DCUN1D4: variants seen among roughly 807,000 people sequenced by gnomAD.
DCUN1D4 encodes the protein DCN1-like protein 4.
In DCUN1D4, 22 loss-of-function variants were observed where a neutral mutation model predicts 47.9. The observed-to-expected ratio is 0.46, with a 90% CI of 0.33 to 0.66. The LOEUF is 0.66. Among genes scored for constraint, DCUN1D4 ranks in the 30% least tolerant of loss-of-function variants. The pLI is 0.02. For synonymous variants in DCUN1D4, 121 were observed against 112.2 expected, an observed-to-expected ratio of 1.08 and a Z score of -0.50; for missense variants, 301 against 340.8, an observed-to-expected ratio of 0.88 and a Z score of 0.92.
chr4:51,913,592 T>G lies in DCUN1D4; in HGVS notation c.*8T>G, dbSNP rs1437980370. 1.2e-6 allele frequency: 2 copies of G among 1,610,684 alleles called. No individual in the cohort carries two copies. The highest frequency in any genetic ancestry group is 2.7e-5 in the African/African-American group (2 of 74,854). On this transcript the variant is annotated 3_prime_UTR_variant, in exon 11 of 11. Coordinates refer to ENST00000334635, the MANE Select transcript of DCUN1D4 (RefSeq NM_001040402.3). ...GACAAACAGATGTCCTAGGACTTTA[T>G]GCATAGCAGCGAGAGAGTCACTGTT...
intron 7 of DCUN1D4, among the ~76,000 whole-genome samples, chr4:51,892,437 G>T (rs1730572076): frequency 6.6e-6 from 1 of 152,184 alleles, no homozygotes; most frequent in African/African-American, 2.4e-5. Flanking sequence ...AGCTTAAAAG[G>T]CAAAGACTTA....
chr4:51,893,791 A>G (rs1286191154), intron 7 of DCUN1D4, among the ~76,000 whole-genome samples: 1 of 152,226 alleles, frequency 6.6e-6, no homozygotes, highest in African/African-American at 2.4e-5. Context: ...GCATGGGCAT[A>G]TCAGGATTTT....
chr4:51,892,940 C>T (rs1324829620), intron 7 of DCUN1D4, among the ~76,000 whole-genome samples: 6 of 152,122 alleles, frequency 3.9e-5, no homozygotes, highest in African/African-American at 1.4e-4. Context: ...TGGAATTTGT[C>T]CACTTTTAAT....
chr4:51,868,066 G>A (rs1328926915), intron 3 of DCUN1D4, among the ~76,000 whole-genome samples: 2 of 152,232 alleles, frequency 1.3e-5, no homozygotes, highest in East Asian at 1.9e-4. Flanking sequence ...GTCAGGTCAC[G>A]ACAGTGCCTG....
At chr4:51,848,184 TAA>T in intron 1 of DCUN1D4, 3 of 1,139,786 alleles carry the variant, frequency 2.6e-6, no homozygotes, top group Middle Eastern at 2.3e-4. Flanking sequence ...CAAACTAATT[TAA>T]TATTTTTCAA....
At chr4:51,911,337 A>G (rs1733686894) in intron 9 of DCUN1D4, among the ~76,000 whole-genome samples, 163 bp downstream of exon 9, 1 of 152,168 alleles carries the variant, frequency 6.6e-6, no homozygotes, top group Non-Finnish European at 1.5e-5. Flanking sequence ...ATCTTCTTGG[A>G]GTGCATCTGT....
At chr4:51,846,262 T>C (rs1020369489) in intron 1 of DCUN1D4, among the ~76,000 whole-genome samples, 10 of 152,206 alleles carry the variant, frequency 6.6e-5, no homozygotes, top group Admixed American at 4.6e-4. Context: ...TGAACGTAGC[T>C]GTGCATTTAA....
At chr4:51,845,069 A>G in intron 1 of DCUN1D4, 6 of 985,390 alleles carry the variant, frequency 6.1e-6, no homozygotes, top group Non-Finnish European at 7.2e-6. Context: ...TTGTGGCCTT[A>G]CTTGTGGAAT....
At chr4:51,863,568 G>A in intron 2 of DCUN1D4, 61 bp downstream of exon 2, 3 of 1,576,400 alleles carry the variant, frequency 1.9e-6, no homozygotes, top group African/African-American at 1.4e-5. Context: ...TTGTATAAGT[G>A]TATTTGATAA....
intron 9 of DCUN1D4, among the ~76,000 whole-genome samples, chr4:51,912,375 G>A (rs184708202): frequency 1.3e-5 from 2 of 152,248 alleles, no homozygotes. Flanking sequence ...TGCTTAGAAA[G>A]TTAAACTTGT....
chr4:51,844,251 C>T (rs1161079851), intron 1 of DCUN1D4: 2 of 865,798 alleles, frequency 2.3e-6, no homozygotes, highest in Non-Finnish European at 2.8e-6. Flanking sequence ...GAGGTACTTC[C>T]TCTCCCTGTC....
chr4:51,855,338 A>G (rs1376560264), intron 1 of DCUN1D4, among the ~76,000 whole-genome samples: 2 of 152,246 alleles, frequency 1.3e-5, no homozygotes, highest in Non-Finnish European at 2.9e-5. Flanking sequence ...TACTGAAACC[A>G]TTGAATTTTA....
chr4:51,895,788 AT>A (rs1334597131), intron 7 of DCUN1D4, among the ~76,000 whole-genome samples: 1 of 152,064 alleles, frequency 6.6e-6, no homozygotes, highest in Non-Finnish European at 1.5e-5. Flanking sequence ...CATTGTGTGC[AT>A]TTTTTTGTGT....
chr4:51,883,349 T>G (rs1477070758), intron 5 of DCUN1D4, among the ~76,000 whole-genome samples: 3 of 152,250 alleles, frequency 2.0e-5, no homozygotes, highest in Admixed American at 1.3e-4. Context: ...TTTTTTTTAC[T>G]GTTTATTTTA....
rs1026976080 is a variant in DCUN1D4 at position 51,913,881 on chromosome 4, G to C, written c.*297G>C. ...TTGTATATGTGTATAAAAGGAAAAA[G>C]GTTCACCTAGAGATTATTTCTGAAA... On this transcript the variant is annotated 3_prime_UTR_variant, in exon 11 of 11. Coordinates refer to ENST00000334635, the MANE Select transcript of DCUN1D4 (RefSeq NM_001040402.3). The C allele has an allele frequency of 3.2e-6, 1 of 311,230 alleles. No homozygotes were observed. Among genetic ancestry groups the C allele is most frequent in the African/African-American group, 2.1e-5 (1 of 46,712 alleles). 19.3% of individuals were successfully genotyped at this position (311,230 alleles called of 1,614,324 possible).
intron 3 of DCUN1D4, among the ~76,000 whole-genome samples, chr4:51,870,937 T>C (rs947035312): frequency 1.3e-5 from 2 of 152,134 alleles, no homozygotes; most frequent in African/African-American, 4.8e-5. Flanking sequence ...CTGTGCTGTG[T>C]GGTCCTAAGT....
At chr4:51,890,795 G>C (rs1730303310) in intron 6 of DCUN1D4, among the ~76,000 whole-genome samples, 1 of 152,230 alleles carries the variant, frequency 6.6e-6, no homozygotes, top group Non-Finnish European at 1.5e-5. Flanking sequence ...CCTTTGAAAT[G>C]TCATTTTGTC....
At chr4:51,835,563 T>C in the DCUN1D4 span, among the ~76,000 whole-genome samples, 3 of 152,126 alleles carry the variant, frequency 2.0e-5, no homozygotes, top group African/African-American at 7.2e-5. Flanking sequence ...GCTTGTGAGA[T>C]GGAAGAGTAA....
At chr4:51,855,421 T>C (rs1186226257) in intron 1 of DCUN1D4, among the ~76,000 whole-genome samples, 2 of 152,210 alleles carry the variant, frequency 1.3e-5, no homozygotes, top group African/African-American at 4.8e-5. Flanking sequence ...TGGTAAGTGC[T>C]ATGAAAAAAA....
Sources: gnomAD v4.1 joint callset for allele counts (sites outside exome capture counted in the v4.1 genomes callset) on GRCh38, gnomAD v4.1.1 for gene constraint, MANE v1.5 for transcripts, NCBI Gene and HGNC (gene_info 2026-07-23, HGNC 2026-07-21) for gene names.